The following NR5A1 variants were observed in gnomAD, a reference collection of about 807,000 sequenced individuals.
The protein encoded by NR5A1 is steroidogenic factor 1.
Under a neutral mutation model 42.7 loss-of-function variants are expected in NR5A1, and 6 were observed. That is an observed-to-expected ratio of 0.14 (90% CI 0.08 to 0.28). The LOEUF is 0.28. Ranked by LOEUF, NR5A1 falls within the 10% of genes least tolerant of loss-of-function variation. The pLI is 1.00. For synonymous variants in NR5A1, 274 were observed against 277.5 expected (o/e 0.99, Z 0.12); for missense variants, 442 against 626.4 (o/e 0.71, Z 3.14).
Position 124,482,648 on chromosome 9 carries a change from T to C in NR5A1, c.*110A>G. The C allele has an allele frequency of 7.7e-7, 1 of 1,291,768 alleles. No homozygotes were observed. The highest frequency in any genetic ancestry group is 1.1e-6 in the Non-Finnish European group (1 of 928,918). The allele number at this position is 1,291,768 out of a possible 1,614,324, so 80.0% of individuals were successfully genotyped here. A position where few individuals can be genotyped will look rare whatever the true frequency, so the allele number is the denominator to read the frequency against. Reference sequence around the variant, plus strand: ...GCCTCTGGGACGGGGCTGGGGCTCCTCGGTGGGCATCAGAAAATGAACCAT... The same window carrying C: ...GCCTCTGGGACGGGGCTGGGGCTCCCCGGTGGGCATCAGAAAATGAACCAT... On this transcript the variant is annotated 3_prime_UTR_variant, in exon 7 of 7. Transcript: ENST00000373588.
chr9:124,507,027 TG>T (rs975129944), intron 1 of NR5A1: 1 of 152,608 alleles, frequency 6.6e-6, no homozygotes, highest in African/African-American at 2.4e-5. Flanking sequence ...CGGACCTCCA[TG>T]GGGCTTGTGG....
chr9:124,490,736 G>A (rs948114181), intron 6 of NR5A1, among the ~76,000 whole-genome samples: 1 of 152,144 alleles, frequency 6.6e-6, no homozygotes, highest in African/African-American at 2.4e-5. Context: ...ATGGATGCAC[G>A]TGTGCATGAG....
At position 124,500,826 on chromosome 9, in the gene NR5A1, C is replaced by T. The variant is rs1014406361; in HGVS notation, c.245-111G>A. On this transcript the variant is annotated intron_variant, in intron 3 of 6. Coordinates refer to ENST00000373588, the MANE Select transcript of NR5A1 (RefSeq NM_004959.5). The surrounding 1 kb of genome is among the most constrained non-coding windows in gnomAD (Gnocchi z 6.9). ...GACCGCTCTCTCCCCTGCTCAACAC[C>T]CTTTCATGGCTCCCACTGACCACAG... 2.0e-6 allele frequency: 3 copies of T among 1,524,834 alleles called. No homozygotes were observed. In the Admixed American group the frequency reaches 5.2e-5, roughly 26 times the overall value. 94.5% of individuals were successfully genotyped at this position (1,524,834 alleles called of 1,614,324 possible).
intron 5 of NR5A1, among the ~76,000 whole-genome samples, chr9:124,492,815 G>A (rs955583521): frequency 1.3e-5 from 2 of 152,224 alleles, no homozygotes; most frequent in Admixed American, 1.3e-4. Flanking sequence ...CAAGAGCAGG[G>A]CTCCCAGGGG....
chr9:124,491,041 C>CCGGGGG, intron 6 of NR5A1, 40 bp downstream of exon 6: 1 of 1,509,658 alleles, frequency 6.6e-7, no homozygotes, highest in Non-Finnish European at 8.9e-7. Flanking sequence ...CCACCCGCCT[C>CCGGGGG]TGGCTGTCTC....
chr9:124,493,191 G>A (rs371520554), intron 4 of NR5A1, 42 bp from the exon 5 acceptor site: 4 of 1,587,720 alleles, frequency 2.5e-6, no homozygotes, highest in Non-Finnish European at 3.4e-6. Context: ...TCCAGCCAGG[G>A]TCCAGGGACC....
rs377402811 is a variant in NR5A1 at position 124,493,009 on chromosome 9, C to T, written c.990+21G>A. On this transcript the variant is annotated intron_variant, in intron 5 of 6. Transcript: ENST00000373588. The stretch of plus-strand genomic sequence containing the variant: ...GCGGGGCCAGGGCGGGGCCCAGGGG[C>T]GGGGCCGAGGGACTGGTCACCTCCT... The T allele has an allele frequency of 3.2e-4, 502 of 1,565,558 alleles. 1 individual carries two copies. Among genetic ancestry groups the T allele is most frequent in the Non-Finnish European group, 4.0e-4 (458 of 1,156,804 alleles).
intron 4 of NR5A1, among the ~76,000 whole-genome samples, chr9:124,495,757 G>A (rs539575570): frequency 1.5e-3 from 229 of 152,330 alleles, no homozygotes; most frequent in Non-Finnish European, 2.3e-3. Flanking sequence ...GATGGGTCAC[G>A]GTGACCCGGC....
At chr9:124,504,739 G>C (rs1832525369) in intron 1 of NR5A1, among the ~76,000 whole-genome samples, 1 of 146,628 alleles carries the variant, frequency 6.8e-6, no homozygotes, top group Admixed American at 6.8e-5. Context: ...CGCACCTCTC[G>C]GCCGCGCCGC....
intron 6 of NR5A1, among the ~76,000 whole-genome samples, chr9:124,483,209 C>A (rs190526102): frequency 6.6e-6 from 1 of 152,356 alleles, no homozygotes; most frequent in Non-Finnish European, 1.5e-5. Context: ...ACAAACACCA[C>A]CATCGTCACC....
At chr9:124,486,686 C>T (rs949711377) in intron 6 of NR5A1, among the ~76,000 whole-genome samples, 3 of 152,208 alleles carry the variant, frequency 2.0e-5, no homozygotes, top group African/African-American at 7.2e-5. Context: ...AGTCACTCCC[C>T]TTCCCCAAGC....
intron 1 of NR5A1, among the ~76,000 whole-genome samples, chr9:124,505,772 CG>C (rs975761124): frequency 2.6e-5 from 4 of 152,016 alleles, no homozygotes; most frequent in African/African-American, 9.7e-5. Flanking sequence ...GGAGCTCTCA[CG>C]GGGGGGTGGG....
chr9:124,503,170 C>A lies in NR5A1; in HGVS notation c.153G>T (p.Glu51Asp). Residue 51 changes from glutamate (E) to aspartate (D), a missense_variant, in exon 3 of 7, where the codon GAG becomes GAT. Physicochemically the swap from Glu to Asp is conservative, Grantham distance 45. This residue lies in a region of NR5A1 where 71 missense variants were observed against 156.8 expected (regional missense o/e 0.45). Transcript: ENST00000373588. This position sits in a 1 kb window ranked among gnomAD's most constrained non-coding sequence, Gnocchi z 9.6. Reference protein sequence around the residue: ...VQNNKHYTCTESQSCKIDKTQ... With the variant: ...VQNNKHYTCTDSQSCKIDKTQ... ...TCTTGTCGATCTTGCAGCTCTGGCT[C>A]TCGGTGCACGTGTAGTGCTTGTTGT... 1 of 1,601,334 alleles carries A rather than the reference C, an allele frequency of 6.2e-7. No homozygotes were observed.
chr9:124,506,001 T>G (rs1832552219), intron 1 of NR5A1, among the ~76,000 whole-genome samples: 1 of 152,196 alleles, frequency 6.6e-6, no homozygotes, highest in South Asian at 2.1e-4. Flanking sequence ...AGCTGCGATC[T>G]TCAAGCAGGA....
At chr9:124,502,928 G>T in intron 3 of NR5A1, 151 bp downstream of exon 3, 4 of 1,153,914 alleles carry the variant, frequency 3.5e-6, no homozygotes, top group Non-Finnish European at 4.8e-6. Context: ...CAGCGCCAGC[G>T]CCCGGTTCTC....
chr9:124,492,788 C>G (rs190052113), intron 5 of NR5A1, among the ~76,000 whole-genome samples: 1 of 152,378 alleles, frequency 6.6e-6, no homozygotes, highest in East Asian at 1.9e-4. Context: ...CATGCCCACA[C>G]CCCCTGAGCT....
intron 6 of NR5A1, among the ~76,000 whole-genome samples, chr9:124,487,653 C>G (rs1222974448): frequency 6.6e-6 from 1 of 152,252 alleles, no homozygotes; most frequent in East Asian, 1.9e-4. Flanking sequence ...TGGGGGAGCA[C>G]AAGCACTCGT....
chr9:124,504,214 A>G (rs979286744), intron 1 of NR5A1, among the ~76,000 whole-genome samples: 2 of 152,112 alleles, frequency 1.3e-5, no homozygotes, highest in African/African-American at 4.8e-5. Context: ...AGCCCCGGAG[A>G]GACGAGGCCG....
chr9:124,506,822 G>A (rs1039087987), intron 1 of NR5A1: 2 of 152,676 alleles, frequency 1.3e-5, no homozygotes, highest in Admixed American at 1.3e-4. Flanking sequence ...CAGAACCCAG[G>A]CTGACAGATG....
Sources: gnomAD v4.1 joint callset for allele counts (sites outside exome capture counted in the v4.1 genomes callset) on GRCh38, gnomAD v4.1.1 for gene constraint, gnomAD v4.1.1 regional missense constraint, Gnocchi (gnomAD v3.1) non-coding constraint, MANE v1.5 for transcripts, NCBI Gene and HGNC (gene_info 2026-07-23, HGNC 2026-07-21) for gene names.